The following SEC24A variants were observed in gnomAD, a reference collection of about 807,000 sequenced individuals.
SEC24A encodes the protein SEC24 homolog A, COPII component.
Under a neutral mutation model 129.4 loss-of-function variants are expected in SEC24A, and 93 were observed. The observed-to-expected ratio is 0.72, with a 90% CI of 0.61 to 0.85. The LOEUF (loss-of-function observed/expected upper bound fraction) is 0.85. SEC24A is among the 40% of genes least tolerant of loss of function. SEC24A has a pLI of 0.00. For synonymous variants in SEC24A, 460 were observed against 467.3 expected, an observed-to-expected ratio of 0.98 and a Z score of 0.20; for missense variants, 1,264 against 1,307.4, an observed-to-expected ratio of 0.97 and a Z score of 0.51.
At chr5:134,708,558 A>G (rs899106407) in intron 17 of SEC24A, among the ~76,000 whole-genome samples, 155 bp from the exon 18 acceptor site, 4 of 151,366 alleles carry the variant, frequency 2.6e-5, no homozygotes, top group African/African-American at 7.4e-5. Context: ...TCTCCAGACC[A>G]TGCTTTTAGC....
intron 7 of SEC24A, among the ~76,000 whole-genome samples, chr5:134,678,730 TGCCACTAC>T (rs1751156551): frequency 2.0e-5 from 3 of 152,230 alleles, no homozygotes; most frequent in South Asian, 4.1e-4. Flanking sequence ...TATAGGCACC[TGCCACTAC>T]GCCTAGCTAA....
intron 15 of SEC24A, among the ~76,000 whole-genome samples, chr5:134,699,861 T>C (rs1307124765): frequency 2.0e-5 from 3 of 151,864 alleles, no homozygotes; most frequent in Admixed American, 1.3e-4. Flanking sequence ...ACACTACGCC[T>C]GACTAATTTT....
At chr5:134,719,465 G>A (rs2150113734) in intron 20 of SEC24A, among the ~76,000 whole-genome samples, 1 of 152,004 alleles carries the variant, frequency 6.6e-6, no homozygotes. Flanking sequence ...GCCGAGGATG[G>A]CAGATTCCTT....
intron 2 of SEC24A, among the ~76,000 whole-genome samples, chr5:134,663,598 C>T (rs932289574): frequency 1.3e-5 from 2 of 151,534 alleles, no homozygotes; most frequent in African/African-American, 4.9e-5. Context: ...CAGGAGGATC[C>T]ACTTGAGGCC....
rs554292466 is a variant in SEC24A, at chr5:134,690,612, G to T, written c.1724-1990G>T. Among the ~76,000 whole-genome samples the T allele has an allele frequency of 1.4e-3, 206 of 152,240 alleles. 3 individuals carry two copies. The highest frequency in any genetic ancestry group is 4.3e-4 in the Non-Finnish European group (29 of 68,026). On this transcript the variant is annotated intron_variant, in intron 11 of 22. Transcript: ENST00000398844. ...GTATAGGCATGGGCCACCACACCTG[G>T]CCAGGCCTTATTTTTTTGTAATCAG...
chr5:134,664,955 C>T (rs1364440158), intron 2 of SEC24A, among the ~76,000 whole-genome samples: 1 of 151,392 alleles, frequency 6.6e-6, no homozygotes, highest in Non-Finnish European at 1.5e-5. Context: ...TGCGCCACCA[C>T]GCCCAGCTAA....
intron 2 of SEC24A, among the ~76,000 whole-genome samples, chr5:134,666,431 C>T (rs1750660591): frequency 1.3e-5 from 2 of 152,094 alleles, no homozygotes; most frequent in African/African-American, 4.8e-5. Context: ...GTTTCACATG[C>T]CTATAGTCCC....
At position 134,705,342 on chromosome 5, in the gene SEC24A, G is replaced by T. The variant is rs751847235; in HGVS notation, c.2456G>T (p.Arg819Leu). 6.2e-7 allele frequency: 1 copy of T among 1,612,614 alleles called. No individual in the cohort carries two copies. Among genetic ancestry groups the T allele is most frequent in the Non-Finnish European group, 8.5e-7 (1 of 1,179,190 alleles). Residue 819 changes from arginine (R) to leucine (L), a missense_variant, in exon 17 of 23, where the codon CGT becomes CTT. By Grantham distance (102) the Arg-to-Leu change is moderately radical (BLOSUM62 -2). Transcript: ENST00000398844. ...TTCCCCAAAGGCGAAAGAAGAATTCGTGTTCATACTTTGTGTTTGCCAGTA... is the reference window on the plus strand; with the variant it reads ...TTCCCCAAAGGCGAAAGAAGAATTCTTGTTCATACTTTGTGTTTGCCAGTA... ...YTSSKGERRI[R>L]VHTLCLPVVS...
intron 1 of SEC24A, among the ~76,000 whole-genome samples, chr5:134,657,243 G>A (rs1750282754): frequency 6.6e-6 from 1 of 150,812 alleles, no homozygotes; most frequent in Admixed American, 6.6e-5. Flanking sequence ...TAGAGATAGG[G>A]ACTTGCTATT....
intron 21 of SEC24A, 139 bp from the exon 22 acceptor site, chr5:134,723,428 C>T (rs1266631427): frequency 1.8e-6 from 1 of 562,490 alleles, no homozygotes; most frequent in East Asian, 3.0e-5. Context: ...TATGCCACTG[C>T]ACTCCAGCCT....
At chr5:134,677,647 G>A (rs1751113657) in intron 7 of SEC24A, among the ~76,000 whole-genome samples, 1 of 151,662 alleles carries the variant, frequency 6.6e-6, no homozygotes, top group Non-Finnish European at 1.5e-5. Context: ...AGACCAGCCT[G>A]GCCAACGTGG....
Position 134,692,946 on chromosome 5 carries a change from G to A in SEC24A, c.1779+289G>A, listed in dbSNP as rs1006160396. On this transcript the variant is annotated intron_variant, in intron 12 of 22. Transcript: ENST00000398844. ...TGTCAGCCATTTGGGAAGTTGGGAG[G>A]GTTGCTGAGATAAAGCTTCTGGTCA... The A allele has an allele frequency of 7.2e-6, 8 of 1,105,688 alleles. No individual in the cohort carries two copies. In the Admixed American group the frequency reaches 1.2e-4, roughly 17 times the overall value. 68.5% of individuals were successfully genotyped at this position (1,105,688 alleles called of 1,614,324 possible).
rs571530882 is a variant in SEC24A at position 134,689,160 on chromosome 5, T to TA, written c.1723+865dup. Among the ~76,000 whole-genome samples the TA allele has an allele frequency of 3.9e-5, 6 of 152,290 alleles. No individual in the cohort carries two copies. The South Asian group carries it at 1.2e-3, about 32-fold the overall frequency. On this transcript the variant is annotated intron_variant, in intron 11 of 22. Transcript: ENST00000398844. ...GACCTAAACTTAAGAGCTATAAGTA[T>TA]AAAACAGGGGCAAATATTTATGCCA... is the stretch of plus-strand genomic sequence containing the variant.
intron 16 of SEC24A, among the ~76,000 whole-genome samples, chr5:134,704,201 T>A (rs1008949697): frequency 1.3e-5 from 2 of 151,964 alleles, no homozygotes; most frequent in Non-Finnish European, 2.9e-5. Flanking sequence ...ACCCGAGTAA[T>A]TGGGAGTACA....
chr5:134,706,225 A>T (rs1407165173), intron 17 of SEC24A, among the ~76,000 whole-genome samples: 1 of 152,132 alleles, frequency 6.6e-6, no homozygotes, highest in Non-Finnish European at 1.5e-5. Context: ...AGTGCTGTTT[A>T]ATACTCTTTT....
intron 15 of SEC24A, among the ~76,000 whole-genome samples, chr5:134,698,502 GGCTGAGGTGGGAGGATT>G (rs1359580669): frequency 1.3e-5 from 2 of 151,850 alleles, no homozygotes; most frequent in Admixed American, 1.3e-4. Context: ...CTTCTTAGGA[GGCTGAGGTGGGAGGATT>G]GTTGGGGCCT....
rs70976552 is a variant in SEC24A, at chr5:134,664,792, CTTTTTTT to C, written c.566-2013_566-2007del. ...TCAGTAATAGGCAATTTTTCTTTTT[CTTTTTTT>C]TTTTTTTTTTTTTTTTTGAGACGGA... On this transcript the variant is annotated intron_variant, in intron 2 of 22. Transcript: ENST00000398844. Among the ~76,000 whole-genome samples the C allele has an allele frequency of 9.3e-5, 8 of 86,204 alleles. No homozygotes were observed. The South Asian group carries it at 1.5e-3, about 16-fold the overall frequency. 56.6% of individuals were successfully genotyped at this position (86,204 alleles called of 152,430 possible).
At position 134,703,971 on chromosome 5, in the gene SEC24A, A is replaced by T. The variant is rs765903014; in HGVS notation, c.2440+39A>T. On this transcript the variant is annotated intron_variant, in intron 16 of 22. Transcript: ENST00000398844. Reference sequence around the variant, plus strand: ...TTTTTTTTGGATTTCAAATGTTCAAATATTGTCTGGATTTCAAATGTCAAA... The same window carrying T: ...TTTTTTTTGGATTTCAAATGTTCAATTATTGTCTGGATTTCAAATGTCAAA... The T allele has an allele frequency of 2.2e-6, 3 of 1,391,352 alleles. No homozygotes were observed. In the East Asian group the frequency reaches 7.0e-5, roughly 32 times the overall value. 86.2% of individuals were successfully genotyped at this position (1,391,352 alleles called of 1,614,324 possible). A position where few individuals can be genotyped will look rare whatever the true frequency, so the allele number is the denominator to read the frequency against.
rs957862461 is a variant in SEC24A at position 134,661,452 on chromosome 5, C to T, written c.431C>T (p.Ser144Phe). Residue 144 changes from serine (S) to phenylalanine (F), a missense_variant, in exon 2 of 23, where the codon TCC becomes TTC. Physicochemically the swap from Ser to Phe is radical, Grantham distance 155. Coordinates refer to ENST00000398844, the MANE Select transcript of SEC24A (RefSeq NM_021982.3). Reference sequence around the variant, plus strand: ...TTGAATTGGCAATATAACTATCCATCCACAGCCTCACAAACAAACCATTGT... The same window carrying T: ...TTGAATTGGCAATATAACTATCCATTCACAGCCTCACAAACAAACCATTGT... ...PPLNWQYNYP[S>F]TASQTNHCPR... 1.2e-6 allele frequency: 2 copies of T among 1,614,070 alleles called. No homozygotes were observed. The highest frequency in any genetic ancestry group is 2.7e-5 in the African/African-American group (2 of 74,940).
Sources: allele counts gnomAD v4.1 joint callset (sites outside exome capture counted in the v4.1 genomes callset), GRCh38; gene constraint gnomAD v4.1.1; transcripts MANE v1.5; gene names NCBI Gene and HGNC (gene_info 2026-07-23, HGNC 2026-07-21).